Variants in ZNF530 observed in about 807,000 individuals in gnomAD.
ZNF530 encodes zinc finger protein 530.
In ZNF530, 5 loss-of-function variants were observed where a neutral mutation model predicts 2.8. That is an observed-to-expected ratio of 1.80 (90% CI 0.94 to 3.78). ZNF530 has a LOEUF of 3.78. Ranked by LOEUF, ZNF530 falls within the 30% of genes most tolerant of loss-of-function variation. The pLI is 0.00. For missense variants in ZNF530, 619 were observed against 673.3 expected (o/e 0.92, Z 0.89); for synonymous variants, 229 against 235.0 (o/e 0.97, Z 0.23).
chr19:57,602,253 A>G (rs989709970), intron 2 of ZNF530, among the ~76,000 whole-genome samples: 1 of 152,196 alleles, frequency 6.6e-6, no homozygotes, highest in Admixed American at 6.5e-5. Context: ...AAAGAAAGCA[A>G]GGAATCTCTT....
rs942220614 is a variant in ZNF530, at chr19:57,609,029, A to C, written c.*1704A>C. The stretch of plus-strand genomic sequence containing the variant: ...AGAGCGAGACTGCGTCTCAAAAAAA[A>C]AAAAAAAAAGATCCATTCAGGCCAG... On this transcript the variant is annotated 3_prime_UTR_variant, in exon 4 of 4. Coordinates refer to ENST00000597700, the MANE Select transcript of ZNF530 (RefSeq NM_001321981.2). The C allele has an allele frequency of 3.9e-5, 6 of 152,206 alleles. No individual in the cohort carries two copies. The highest frequency in any genetic ancestry group is 1.5e-4 in the African/African-American group (6 of 41,308). 9.4% of individuals were successfully genotyped at this position (152,206 alleles called of 1,614,324 possible). A position where few individuals can be genotyped will look rare whatever the true frequency, so the allele number is the denominator to read the frequency against.
chr19:57,605,552 C>CT, intron 3 of ZNF530, 134 bp from the exon 4 acceptor site: 2 of 868,208 alleles, frequency 2.3e-6, no homozygotes, highest in African/African-American at 1.7e-5. Flanking sequence ...CTTGTAGAGG[C>CT]TTTTTTCCAC....
At chr19:57,600,582 G>T (rs757309350) in intron 1 of ZNF530, 146 bp from the exon 2 acceptor site, 5 of 163,786 alleles carry the variant, frequency 3.1e-5, no homozygotes, top group Non-Finnish European at 6.6e-5. Context: ...AGGTCACAAA[G>T]CTGGTAAAAG....
chr19:57,605,753 A>C lies in ZNF530; in HGVS notation c.129A>C (p.Ser43=). The C allele has an allele frequency of 2.5e-6, 4 of 1,614,182 alleles. No homozygotes were observed. The highest frequency in any genetic ancestry group is 3.4e-6 in the Non-Finnish European group (4 of 1,180,032). ...AGAGCGTTTCTGTGGAAGAACTGTC[A>C]CAGGGCAGGACTCCAAAGGCAGATA... ...SAESVSVEEL[S]QGRTPKADTS... The change falls in exon 4 of 4, where the codon TCA becomes TCC. Residue 43 remains serine, a synonymous_variant. Coordinates refer to ENST00000597700, the MANE Select transcript of ZNF530 (RefSeq NM_001321981.2).
At chr19:57,611,075 T>C (rs1032837157), downstream of ZNF530, among the ~76,000 whole-genome samples, 2 of 152,170 alleles carry the variant, frequency 1.3e-5, no homozygotes, top group Admixed American at 6.6e-5. Context: ...CTACCCTCTT[T>C]ATCTAACTCT....
chr19:57,600,065 G>A lies in ZNF530; in HGVS notation c.-191G>A, dbSNP rs962294129. 6.6e-7 allele frequency: 1 copy of A among 1,514,282 alleles called. No individual in the cohort carries two copies. Among genetic ancestry groups the A allele is most frequent in the Non-Finnish European group, 8.9e-7 (1 of 1,120,278 alleles). The allele number at this position is 1,514,282 out of a possible 1,614,324, so 93.8% of individuals were successfully genotyped here. On this transcript the variant is annotated 5_prime_UTR_variant, in exon 1 of 4. Transcript: ENST00000597700. ...GACAGCTTTGCTCTTGTCTCCGCCC[G>A]GATCGTCCACCGCTCCCGGCCCGCT...
At position 57,603,128 on chromosome 19, in the gene ZNF530, A is replaced by G. The variant is rs547487758; in HGVS notation, c.-69-1149A>G. On this transcript the variant is annotated intron_variant, in intron 2 of 3. Coordinates refer to ENST00000597700, the MANE Select transcript of ZNF530 (RefSeq NM_001321981.2). The stretch of plus-strand genomic sequence containing the variant: ...CTGGTCTCAAGCTCCTGATCAAGTG[A>G]TCCACCCGCCTTGGCCTCCCAAAGT... 9.8e-5 allele frequency among the ~76,000 whole-genome samples: 15 copies of G among 152,302 alleles called. 1 individual carries two copies. Among genetic ancestry groups the G allele is most frequent in the Middle Eastern group, 3.4e-3 (1 of 294 alleles).
At chr19:57,612,492 TCTC>T (rs945679420), downstream of ZNF530, 51 of 400,654 alleles carry the variant, frequency 1.3e-4, no homozygotes, top group Non-Finnish European at 4.4e-6. Flanking sequence ...TTTCTTTACT[TCTC>T]CTTCCAGGTA....
intron 2 of ZNF530, among the ~76,000 whole-genome samples, chr19:57,603,825 A>T (rs1041571417): frequency 6.6e-6 from 1 of 152,192 alleles, no homozygotes; most frequent in Non-Finnish European, 1.5e-5. Context: ...GCTGAGTAAC[A>T]TATAGGAAGG....
downstream of ZNF530, chr19:57,612,697 A>C (rs2123472202): frequency 5.1e-6 from 2 of 392,088 alleles, no homozygotes. Context: ...TAAATAAATA[A>C]ATAAAATTAC....
At position 57,606,917 on chromosome 19, in the gene ZNF530, G is replaced by T. The variant is rs984166185; in HGVS notation, c.1293G>T (p.Glu431Asp). Reference protein sequence around the residue: ...RRAHTKTKPYECSECEKSFSC... With the variant: ...RRAHTKTKPYDCSECEKSFSC... ...CTCACACTAAAACAAAGCCTTATGAGTGCAGTGAATGTGAAAAATCATTTA... is the reference window on the plus strand; with the variant it reads ...CTCACACTAAAACAAAGCCTTATGATTGCAGTGAATGTGAAAAATCATTTA... The change falls in exon 4 of 4, where the codon GAG (glutamate) becomes GAT (aspartate). Residue 431 changes from glutamate to aspartate, a missense_variant. Transcript: ENST00000597700. 1 of 1,613,768 alleles carries T rather than the reference G, an allele frequency of 6.2e-7. No homozygotes were observed. The highest frequency in any genetic ancestry group is 1.1e-5 in the South Asian group (1 of 91,060).
At chr19:57,600,229 C>T (rs1980164092) in intron 1 of ZNF530, 95 bp downstream of exon 1, 2 of 1,354,712 alleles carry the variant, frequency 1.5e-6, no homozygotes, top group African/African-American at 2.9e-5. Flanking sequence ...CACTGTCCGG[C>T]ACAGTGAGGC....
chr19:57,600,124 C>A lies in ZNF530; in HGVS notation c.-132C>A, dbSNP rs773279127. Reference sequence around the variant, plus strand: ...AGTCCGATGGCGGCGGCACTGAGGGCCCCGACCCAGGTGAGCGCTGCGTCC... The same window carrying A: ...AGTCCGATGGCGGCGGCACTGAGGGACCCGACCCAGGTGAGCGCTGCGTCC... On this transcript the variant is annotated 5_prime_UTR_variant, in exon 1 of 4. Coordinates refer to ENST00000597700, the MANE Select transcript of ZNF530 (RefSeq NM_001321981.2). 6.4e-7 allele frequency: 1 copy of A among 1,569,062 alleles called. No individual in the cohort carries two copies. The highest frequency in any genetic ancestry group is 1.8e-5 in the Admixed American group (1 of 54,724).
In ZNF530 at chr19:57,609,997, C is replaced by A. The variant is rs1198121857; in HGVS notation, c.*2672C>A. On this transcript the variant is annotated 3_prime_UTR_variant, in exon 4 of 4. Coordinates refer to ENST00000597700, the MANE Select transcript of ZNF530 (RefSeq NM_001321981.2). The stretch of plus-strand genomic sequence containing the variant: ...GTAGAGTCAATAGAGACTTAGTAAA[C>A]CAGACTTTTTGAAGTGTCAATGACC... Among the ~76,000 whole-genome samples the A allele has an allele frequency of 6.6e-6, 1 of 151,954 alleles. No individual in the cohort carries two copies. The highest frequency in any genetic ancestry group is 2.4e-5 in the African/African-American group (1 of 41,354).
rs1188528877 is a variant in ZNF530 at position 57,604,389 on chromosome 19, C to T, written c.44C>T (p.Ala15Val). ...CGCGATGTGATGCTGGAGAACTTTGCAGTTATGGCATCCCTAGGTAAGGCC... is the reference window on the plus strand; with the variant it reads ...CGCGATGTGATGCTGGAGAACTTTGTAGTTATGGCATCCCTAGGTAAGGCC... ...LYRDVMLENFAVMASLGCWCG... is the reference protein window; with the variant it reads ...LYRDVMLENFVVMASLGCWCG... The change falls in exon 3 of 4, where the codon GCA becomes GTA. Residue 15 changes from alanine (A) to valine (V), a missense_variant. Ala to Val is a moderately conservative substitution (Grantham distance 64). Transcript: ENST00000597700. The T allele has an allele frequency of 1.2e-6, 2 of 1,613,734 alleles. No individual in the cohort carries two copies. The highest frequency in any genetic ancestry group is 2.2e-5 in the East Asian group (1 of 44,884).
downstream of ZNF530, chr19:57,612,425 G>A (rs1385082432): frequency 2.5e-6 from 1 of 399,956 alleles, no homozygotes; most frequent in Non-Finnish European, 4.4e-6. Context: ...CTATGAATAA[G>A]CATAATACTA....
chr19:57,607,499 C>T lies in ZNF530; in HGVS notation c.*174C>T, dbSNP rs1980648859. ...ACCTGAGATTACAGGCACCCACCAC[C>T]ATGCCCAGCTAATTTTTGTATTTTT... On this transcript the variant is annotated 3_prime_UTR_variant, in exon 4 of 4. Coordinates refer to ENST00000597700, the MANE Select transcript of ZNF530 (RefSeq NM_001321981.2). 1 of 641,564 alleles carries T rather than the reference C, an allele frequency of 1.6e-6. No individual in the cohort carries two copies. The highest frequency in any genetic ancestry group is 2.1e-5 in the South Asian group (1 of 47,016). 39.7% of individuals were successfully genotyped at this position (641,564 alleles called of 1,614,324 possible). A position where few individuals can be genotyped will look rare whatever the true frequency, so the allele number is the denominator to read the frequency against.
downstream of ZNF530, among the ~76,000 whole-genome samples, chr19:57,610,234 T>G (rs1451050257): frequency 1.3e-5 from 2 of 152,348 alleles, no homozygotes; most frequent in Non-Finnish European, 2.9e-5. Flanking sequence ...ACTTTTAACA[T>G]TCCTTTACAA....
Position 57,600,032 on chromosome 19 carries a change from G to C in ZNF530, c.-224G>C. ...CACAGCCGGGGCCTGACGGTCGCCG[G>C]CGGTGGTGACAGCTTTGCTCTTGTC... On this transcript the variant is annotated 5_prime_UTR_variant, in exon 1 of 4. Coordinates refer to ENST00000597700, the MANE Select transcript of ZNF530 (RefSeq NM_001321981.2). The C allele has an allele frequency of 6.9e-7, 1 of 1,453,140 alleles. No individual in the cohort carries two copies. The highest frequency in any genetic ancestry group is 9.2e-7 in the Non-Finnish European group (1 of 1,082,642). 90.0% of individuals were successfully genotyped at this position (1,453,140 alleles called of 1,614,324 possible).
Sources: allele counts gnomAD v4.1 joint callset (sites outside exome capture counted in the v4.1 genomes callset), GRCh38; gene constraint gnomAD v4.1.1; transcripts MANE v1.5; gene names NCBI Gene and HGNC (gene_info 2026-07-23, HGNC 2026-07-21).